Variants in IGF1R observed in about 807,000 individuals in gnomAD.
IGF1R encodes the protein insulin like growth factor 1 receptor.
A neutral mutation model predicts 144.6 loss-of-function variants in IGF1R; 44 were observed. That is an observed-to-expected ratio of 0.30 (90% CI 0.24 to 0.39). The LOEUF (loss-of-function observed/expected upper bound fraction) is 0.39. IGF1R is among the 10% of genes least tolerant of loss of function. The pLI, the probability that IGF1R is intolerant of heterozygous loss-of-function variation, is 1.00. For missense variants in IGF1R, 1,355 were observed against 1,833.7 expected, an observed-to-expected ratio of 0.74 and a Z score of 4.77; for synonymous variants, 795 against 722.8, an observed-to-expected ratio of 1.10 and a Z score of -1.60.
At chr15:98,680,902 T>G (rs1489437202) in intron 1 of IGF1R, among the ~76,000 whole-genome samples, 1 of 151,820 alleles carries the variant, frequency 6.6e-6, no homozygotes, top group Non-Finnish European at 1.5e-5. Flanking sequence ...ATATTTTTAT[T>G]GTACCTTTTC....
At chr15:98,722,252 G>C (rs2054263195) in intron 2 of IGF1R, among the ~76,000 whole-genome samples, 1 of 152,206 alleles carries the variant, frequency 6.6e-6, no homozygotes, top group Non-Finnish European at 1.5e-5. Context: ...ACTTTTGCCA[G>C]AAGAGAAATA....
chr15:98,690,020 A>G (rs1036382251), intron 1 of IGF1R, among the ~76,000 whole-genome samples: 2 of 152,166 alleles, frequency 1.3e-5, no homozygotes, highest in African/African-American at 2.4e-5. Flanking sequence ...TTGAGGGTTT[A>G]TGATCATTTT....
chr15:98,895,814 C>T (rs1443830567), intron 3 of IGF1R, among the ~76,000 whole-genome samples: 5 of 152,174 alleles, frequency 3.3e-5, no homozygotes, highest in Non-Finnish European at 4.4e-5. Context: ...GATTTAAGAA[C>T]AATAATGTAC....
chr15:98,663,367 C>G (rs2141180904), intron 1 of IGF1R, among the ~76,000 whole-genome samples: 1 of 152,310 alleles, frequency 6.6e-6, no homozygotes, highest in Middle Eastern at 3.4e-3. Context: ...GGGGAGAGCA[C>G]ACCTGCAGTG....
At chr15:98,655,809 C>A (rs1361803506) in intron 1 of IGF1R, among the ~76,000 whole-genome samples, 1 of 151,402 alleles carries the variant, frequency 6.6e-6, no homozygotes, top group Non-Finnish European at 1.5e-5. Flanking sequence ...GCCTTGACCT[C>A]CCAGGCTCCA....
At chr15:98,790,926 A>G (rs766575019) in intron 2 of IGF1R, among the ~76,000 whole-genome samples, 10 of 152,232 alleles carry the variant, frequency 6.6e-5, no homozygotes, top group Non-Finnish European at 1.3e-4. Flanking sequence ...GTTAATCAAA[A>G]AGATCACTTT....
chr15:98,811,958 CT>C (rs1345094402), intron 2 of IGF1R, among the ~76,000 whole-genome samples: 1 of 152,192 alleles, frequency 6.6e-6, no homozygotes, highest in African/African-American at 2.4e-5. Flanking sequence ...GGTAATTACC[CT>C]TTTGAATACT....
intron 2 of IGF1R, among the ~76,000 whole-genome samples, chr15:98,761,333 G>A (rs754128224): frequency 9.2e-5 from 14 of 152,228 alleles, no homozygotes; most frequent in Non-Finnish European, 1.9e-4. Context: ...GGGGCAGAGA[G>A]GGAGGGAGAA....
intron 10 of IGF1R, among the ~76,000 whole-genome samples, chr15:98,918,756 G>A (rs182004268): frequency 1.2e-4 from 18 of 152,322 alleles, no homozygotes; most frequent in Admixed American, 5.2e-4. Context: ...GTGCACACCT[G>A]TAATCCCAGC....
chr15:98,655,745 A>G (rs1490469400), intron 1 of IGF1R, among the ~76,000 whole-genome samples: 1 of 147,870 alleles, frequency 6.8e-6, no homozygotes, highest in East Asian at 1.9e-4. Context: ...TTTTTGAGAC[A>G]GGGTCTCTGG....
In IGF1R at chr15:98,935,813, C is replaced by G. The variant is rs1053373463; in HGVS notation, c.3297+387C>G. Among the ~76,000 whole-genome samples the G allele has an allele frequency of 6.6e-6, 1 of 152,158 alleles. No individual in the cohort carries two copies. The highest frequency in any genetic ancestry group is 2.4e-5 in the African/African-American group (1 of 41,452). ...TGCTAACTTCTCGATGCGCTTGACT[C>G]ACATCCTCGTATGTGTTCTCTCTCG... On this transcript the variant is annotated intron_variant, in intron 17 of 20. Transcript: ENST00000650285. The surrounding 1 kb of genome is among the most constrained non-coding windows in gnomAD (Gnocchi z 4.2).
At chr15:98,919,250 A>T (rs1342740635) in intron 10 of IGF1R, among the ~76,000 whole-genome samples, 1 of 151,654 alleles carries the variant, frequency 6.6e-6, no homozygotes, top group African/African-American at 2.4e-5. Context: ...GGTCCTTTCC[A>T]CCTAGACCAG....
intron 2 of IGF1R, among the ~76,000 whole-genome samples, chr15:98,885,753 A>G (rs2013608092): frequency 6.6e-6 from 1 of 151,900 alleles, no homozygotes; most frequent in Non-Finnish European, 1.5e-5. Flanking sequence ...GCATTATGAA[A>G]TATTGTATGG....
At chr15:98,830,605 C>CATCTTTTTTTT (rs1157611083) in intron 2 of IGF1R, among the ~76,000 whole-genome samples, 2 of 135,980 alleles carry the variant, frequency 1.5e-5, no homozygotes, top group East Asian at 4.3e-4. Flanking sequence ...TGATCATCAT[C>CATCTTTTTTTT]TTTTTTTTTT....
intron 15 of IGF1R, among the ~76,000 whole-genome samples, chr15:98,931,246 ATAAT>A (rs1464270576): frequency 6.6e-6 from 1 of 152,130 alleles, no homozygotes; most frequent in Non-Finnish European, 1.5e-5. Flanking sequence ...CATCAAATGA[ATAAT>A]AAATAAGTGC....
At chr15:98,845,537 T>TCCTCCTCCC (rs2011292286) in intron 2 of IGF1R, among the ~76,000 whole-genome samples, 2 of 129,742 alleles carry the variant, frequency 1.5e-5, no homozygotes, top group Non-Finnish European at 1.6e-5. Context: ...CCCTCCTTCC[T>TCCTCCTCCC]CCTCCTCCCC....
intron 2 of IGF1R, among the ~76,000 whole-genome samples, chr15:98,865,081 T>G (rs2012356351): frequency 6.6e-6 from 1 of 152,212 alleles, no homozygotes; most frequent in Non-Finnish European, 1.5e-5. Context: ...AGATCACACA[T>G]GCTTGCTGGA....
chr15:98,943,177 TG>T, intron 19 of IGF1R, 125 bp downstream of exon 19: 1 of 1,071,572 alleles, frequency 9.3e-7, no homozygotes, highest in South Asian at 1.3e-5. Context: ...AGCTCAGTGT[TG>T]TGTGAGCCAC....
intron 2 of IGF1R, among the ~76,000 whole-genome samples, chr15:98,837,536 A>C (rs760110843): frequency 2.4e-4 from 37 of 151,562 alleles, no homozygotes; most frequent in Non-Finnish European, 4.6e-4. Flanking sequence ...GGCCTTCACC[A>C]ATTTTTAAAT....
Sources: gnomAD v4.1 joint callset for allele counts (sites outside exome capture counted in the v4.1 genomes callset) on GRCh38, gnomAD v4.1.1 for gene constraint, Gnocchi (gnomAD v3.1) non-coding constraint, MANE v1.5 for transcripts, NCBI Gene and HGNC (gene_info 2026-07-23, HGNC 2026-07-21) for gene names.